The following COL21A1 variants were observed in gnomAD, a reference collection of about 807,000 sequenced individuals.
COL21A1 encodes the protein collagen alpha-1(XXI) chain.
A neutral mutation model predicts 137.9 loss-of-function variants in COL21A1; 149 were observed. That is an observed-to-expected ratio of 1.08 (90% CI 0.95 to 1.24). The LOEUF (loss-of-function observed/expected upper bound fraction) is 1.24, where lower values mean the gene tolerates loss of function less well. Among genes scored for constraint, COL21A1 ranks in the 50% most tolerant of loss-of-function variants. The pLI is 0.00. For missense variants in COL21A1, 1,167 were observed against 1,158.4 expected (o/e 1.01, Z -0.11); for synonymous variants, 456 against 391.5 (o/e 1.16, Z -1.95).
intron 1 of COL21A1, among the ~76,000 whole-genome samples, chr6:56,302,782 T>C (rs1046594751): frequency 2.3e-3 from 344 of 151,780 alleles, no homozygotes; most frequent in African/African-American, 7.8e-3. Context: ...GCTTTTGGTG[T>C]TTTAGACATG....
At chr6:56,165,984 T>C (rs1014839225) in intron 7 of COL21A1, among the ~76,000 whole-genome samples, 2 of 151,764 alleles carry the variant, frequency 1.3e-5, no homozygotes, top group Non-Finnish European at 2.9e-5. Context: ...TCATAATCTT[T>C]TTCCTCCTAA....
intron 20 of COL21A1, among the ~76,000 whole-genome samples, 173 bp from the exon 21 acceptor site, chr6:56,070,971 T>A (rs993725893): frequency 1.3e-5 from 2 of 151,656 alleles, no homozygotes; most frequent in African/African-American, 4.8e-5. Context: ...AAAAATCTTT[T>A]AGGCAAGGAA....
chr6:56,189,804 G>A (rs1778540169), intron 1 of COL21A1, among the ~76,000 whole-genome samples: 1 of 152,096 alleles, frequency 6.6e-6, no homozygotes, highest in South Asian at 2.1e-4. Context: ...AAGAGAGTGG[G>A]GGCCAATATT....
At chr6:56,357,049 T>C (rs1428467021) in intron 1 of COL21A1, among the ~76,000 whole-genome samples, 1 of 152,166 alleles carries the variant, frequency 6.6e-6, no homozygotes, top group Non-Finnish European at 1.5e-5. Flanking sequence ...ACATACCTAA[T>C]ACCAGGTCCC....
At chr6:56,244,401 A>C (rs1237188519) in intron 1 of COL21A1, among the ~76,000 whole-genome samples, 2 of 152,108 alleles carry the variant, frequency 1.3e-5, no homozygotes, top group Admixed American at 6.5e-5. Flanking sequence ...ACTTGCTCCT[A>C]TATGTCTCCA....
chr6:56,257,710 A>G (rs1036507752), intron 1 of COL21A1, among the ~76,000 whole-genome samples: 1 of 152,190 alleles, frequency 6.6e-6, no homozygotes, highest in Non-Finnish European at 1.5e-5. Context: ...ACCATATTCC[A>G]ATAAAACTTT....
intron 5 of COL21A1, among the ~76,000 whole-genome samples, chr6:56,168,624 G>C (rs762108158): frequency 1.3e-5 from 2 of 151,804 alleles, no homozygotes; most frequent in Non-Finnish European, 2.9e-5. Flanking sequence ...TTATTTCATT[G>C]CAACTTTGGG....
At chr6:56,059,937 G>C in intron 28 of COL21A1, 81 bp downstream of exon 28, 1 of 941,382 alleles carries the variant, frequency 1.1e-6, no homozygotes, top group Non-Finnish European at 1.6e-6. Flanking sequence ...AAGTTAACTC[G>C]ACTATTAAAT....
At chr6:56,216,773 A>G (rs1780513989) in intron 1 of COL21A1, among the ~76,000 whole-genome samples, 1 of 152,108 alleles carries the variant, frequency 6.6e-6, no homozygotes, top group Non-Finnish European at 1.5e-5. Flanking sequence ...ACACATGGGC[A>G]CTAAGCTGGA....
chr6:56,153,489 C>T (rs1195084913), intron 10 of COL21A1, among the ~76,000 whole-genome samples: 4 of 151,868 alleles, frequency 2.6e-5, no homozygotes, highest in African/African-American at 9.7e-5. Flanking sequence ...TTTTTAAAAA[C>T]CCTGACTTTA....
At chr6:56,362,623 T>TC (rs1289173084) in intron 1 of COL21A1, among the ~76,000 whole-genome samples, 4 of 152,036 alleles carry the variant, frequency 2.6e-5, no homozygotes, top group Non-Finnish European at 5.9e-5. Flanking sequence ...GATATGCTCC[T>TC]CCCCCAGTCC....
At chr6:56,354,134 G>GAACA (rs1272092134) in intron 1 of COL21A1, among the ~76,000 whole-genome samples, 2 of 152,112 alleles carry the variant, frequency 1.3e-5, no homozygotes, top group Non-Finnish European at 2.9e-5. Context: ...ACATTAAAAA[G>GAACA]AACAAACTGT....
In COL21A1 at chr6:56,227,947, T is replaced by C. The variant is rs554882719; in HGVS notation, c.-39+19440A>G. ...AATTAAAGGCAAACCAGGGATTTGC[T>C]AGATGACCTTAAGAAGACAGGAAGA... On this transcript the variant is annotated intron_variant, in intron 1 of 29. Transcript: ENST00000244728. Among the ~76,000 whole-genome samples, 6 of 152,044 alleles carry C rather than the reference T, an allele frequency of 3.9e-5. No individual in the cohort carries two copies. In the South Asian group the frequency reaches 8.3e-4, roughly 21 times the overall value.
rs1055869130 is a variant in COL21A1 at position 56,235,348 on chromosome 6, T to C, written c.-39+12039A>G. On this transcript the variant is annotated intron_variant, in intron 1 of 29. Coordinates refer to ENST00000244728, the MANE Select transcript of COL21A1 (RefSeq NM_030820.4). ...TGCTGTACAGATTGTGTATGCACAT[T>C]TGTTTTGACTGGATCTGAACCCACT... Among the ~76,000 whole-genome samples the C allele has an allele frequency of 5.3e-5, 8 of 151,968 alleles. 1 individual carries two copies. The South Asian group carries it at 1.2e-3, about 24-fold the overall frequency.
At chr6:56,092,526 G>A (rs1768942284) in intron 17 of COL21A1, among the ~76,000 whole-genome samples, 2 of 152,074 alleles carry the variant, frequency 1.3e-5, no homozygotes, top group Non-Finnish European at 2.9e-5. Context: ...GACAAATTAA[G>A]TTTTTAAAAA....
At position 56,057,508 on chromosome 6, in the gene COL21A1, C is replaced by A; in HGVS notation, c.*149G>T. On this transcript the variant is annotated 3_prime_UTR_variant, in exon 30 of 30. Coordinates refer to ENST00000244728, the MANE Select transcript of COL21A1 (RefSeq NM_030820.4). ...AGCCTTTAAAATCAGTATATGTGAT[C>A]TTTTATATTTTTTTCCATAAGAAAA... is the stretch of plus-strand genomic sequence containing the variant. 1 of 729,550 alleles carries A rather than the reference C, an allele frequency of 1.4e-6. No individual in the cohort carries two copies. Among genetic ancestry groups the A allele is most frequent in the Non-Finnish European group, 2.3e-6 (1 of 438,574 alleles). 45.2% of individuals were successfully genotyped at this position (729,550 alleles called of 1,614,324 possible). A position where few individuals can be genotyped will look rare whatever the true frequency, so the allele number is the denominator to read the frequency against.
chr6:56,269,125 C>T (rs968034344), intron 1 of COL21A1, among the ~76,000 whole-genome samples: 3 of 152,092 alleles, frequency 2.0e-5, no homozygotes, highest in Admixed American at 6.5e-5. Context: ...TAAGAACAAA[C>T]CTACAACTAT....
intron 1 of COL21A1, among the ~76,000 whole-genome samples, chr6:56,348,258 C>A (rs1018157279): frequency 6.6e-6 from 1 of 152,086 alleles, no homozygotes; most frequent in Admixed American, 6.5e-5. Context: ...GAAGTAGAGA[C>A]ATAAGGGCAC....
In COL21A1 at chr6:56,275,273, A is replaced by T. The variant is rs545378918; in HGVS notation, c.-38-92617T>A. Among the ~76,000 whole-genome samples, 8 of 152,198 alleles carry T rather than the reference A, an allele frequency of 5.3e-5. No homozygotes were observed. The East Asian group carries it at 1.5e-3, about 29-fold the overall frequency. ...AACTATAAAAATCCTAGAAGAAAAC[A>T]GGAGATACCCTTCTCTACATTGCCC... On this transcript the variant is annotated intron_variant, in intron 1 of 28. Coordinates refer to the COL21A1 transcript ENST00000370819.
Sources: allele counts gnomAD v4.1 joint callset (sites outside exome capture counted in the v4.1 genomes callset), GRCh38; gene constraint gnomAD v4.1.1; transcripts MANE v1.5; gene names NCBI Gene and HGNC (gene_info 2026-07-23, HGNC 2026-07-21).